Variants in EXOC4 observed in about 807,000 individuals in gnomAD.
The protein encoded by EXOC4 is exocyst complex component 4.
A neutral mutation model predicts 107.2 loss-of-function variants in EXOC4; 71 were observed. The observed-to-expected ratio is 0.66, with a 90% confidence interval of 0.55 to 0.81. The LOEUF (loss-of-function observed/expected upper bound fraction) is 0.81. Among genes scored for constraint, EXOC4 ranks in the 30% least tolerant of loss-of-function variants. EXOC4 has a pLI of 0.00. For synonymous variants in EXOC4, 456 were observed against 441.2 expected (o/e 1.03, Z -0.42); for missense variants, 1,108 against 1,189.6 (o/e 0.93, Z 1.01).
intron 10 of EXOC4, among the ~76,000 whole-genome samples, chr7:133,747,501 G>T (rs1306309075): frequency 6.6e-6 from 1 of 152,014 alleles, no homozygotes; most frequent in African/African-American, 2.4e-5. Flanking sequence ...TGGTTAGAAC[G>T]CCAAGAAGAC....
At chr7:134,029,229 C>G (rs1282485793) in intron 17 of EXOC4, among the ~76,000 whole-genome samples, 1 of 152,166 alleles carries the variant, frequency 6.6e-6, no homozygotes, top group African/African-American at 2.4e-5. Flanking sequence ...TGCGTCTTTC[C>G]CTATAACTTT....
chr7:133,541,124 G>A (rs923569166), intron 9 of EXOC4, among the ~76,000 whole-genome samples: 1 of 152,082 alleles, frequency 6.6e-6, no homozygotes, highest in Non-Finnish European at 1.5e-5. Context: ...GTTTAATTAA[G>A]CTAATTATAG....
At chr7:133,696,630 T>G (rs1794539703) in intron 10 of EXOC4, among the ~76,000 whole-genome samples, 1 of 152,214 alleles carries the variant, frequency 6.6e-6, no homozygotes, top group Non-Finnish European at 1.5e-5. Context: ...TCTGGTCTCT[T>G]TTTCTGTATA....
chr7:133,261,579 A>G (rs1469270777), intron 1 of EXOC4, among the ~76,000 whole-genome samples: 2 of 152,022 alleles, frequency 1.3e-5, no homozygotes, highest in East Asian at 3.9e-4. Flanking sequence ...TGTCAGTTTT[A>G]TCTTGATGGT....
At chr7:133,967,389 T>C (rs890277934) in intron 14 of EXOC4, among the ~76,000 whole-genome samples, 1 of 152,182 alleles carries the variant, frequency 6.6e-6, no homozygotes, top group Admixed American at 6.5e-5. Context: ...TTGCTTACTC[T>C]TGCTTCTCTA....
intron 3 of EXOC4, among the ~76,000 whole-genome samples, chr7:133,299,942 C>T (rs903043304): frequency 1.3e-5 from 2 of 152,104 alleles, no homozygotes; most frequent in Admixed American, 6.6e-5. Flanking sequence ...GCTGTTAGCT[C>T]AACTAATAAC....
chr7:133,700,347 C>A (rs1794629414), intron 10 of EXOC4, among the ~76,000 whole-genome samples: 1 of 152,114 alleles, frequency 6.6e-6, no homozygotes, highest in South Asian at 2.1e-4. Flanking sequence ...GGAGGAGCTA[C>A]ACTAATCTAT....
chr7:133,676,113 GT>G (rs1800480218), intron 10 of EXOC4, among the ~76,000 whole-genome samples: 1 of 151,946 alleles, frequency 6.6e-6, no homozygotes, highest in African/African-American at 2.4e-5. Flanking sequence ...GAGAATTGCA[GT>G]CATTCATTCA....
intron 5 of EXOC4, among the ~76,000 whole-genome samples, chr7:133,328,776 T>G (rs79024087): frequency 6.6e-6 from 1 of 151,934 alleles, no homozygotes; most frequent in South Asian, 2.1e-4. Flanking sequence ...TATAGGGTTT[T>G]GCAGAGATCT....
Position 134,065,442 on chromosome 7 carries a change from G to C in EXOC4, c.*914G>C, listed in dbSNP as rs527271245. 6.6e-6 allele frequency: 1 copy of C among 152,316 alleles called. No homozygotes were observed. Among genetic ancestry groups the C allele is most frequent in the South Asian group, 2.1e-4 (1 of 4,820 alleles). 9.4% of individuals were successfully genotyped at this position (152,316 alleles called of 1,614,324 possible). A position where few individuals can be genotyped will look rare whatever the true frequency, so the allele number is the denominator to read the frequency against. ...ACAGAGTGACATTTCTCCTCTGTGC[G>C]GCCTCCAGCTGAGCCTGTCTCTGAA... is the stretch of plus-strand genomic sequence containing the variant. On this transcript the variant is annotated 3_prime_UTR_variant, in exon 18 of 18. Coordinates refer to ENST00000253861, the MANE Select transcript of EXOC4 (RefSeq NM_021807.4).
intron 7 of EXOC4, among the ~76,000 whole-genome samples, chr7:133,464,901 T>C (rs764128796): frequency 1.5e-4 from 22 of 148,122 alleles, no homozygotes; most frequent in African/African-American, 5.5e-4. Flanking sequence ...CTCACTGTAG[T>C]CTCGAACTCC....
intron 9 of EXOC4, among the ~76,000 whole-genome samples, chr7:133,516,758 ATTTT>A (rs780319592): frequency 2.0e-5 from 1 of 49,032 alleles, no homozygotes; most frequent in Non-Finnish European, 3.9e-5. Flanking sequence ...CTAGCTGCTC[ATTTT>A]TTTTTTTTTT....
chr7:133,755,241 A>AT (rs1795877367), intron 10 of EXOC4, among the ~76,000 whole-genome samples: 3 of 104,588 alleles, frequency 2.9e-5, no homozygotes, highest in Non-Finnish European at 5.6e-5. Flanking sequence ...TATAATATAT[A>AT]TAATATATAT....
intron 3 of EXOC4, among the ~76,000 whole-genome samples, chr7:133,294,494 T>C (rs2150553466): frequency 6.6e-6 from 1 of 152,276 alleles, no homozygotes; most frequent in East Asian, 1.9e-4. Context: ...CTTCCTGAGA[T>C]TGTAGAGATT....
chr7:133,664,957 C>T (rs1562898135), intron 10 of EXOC4, among the ~76,000 whole-genome samples: 2 of 152,122 alleles, frequency 1.3e-5, no homozygotes, highest in Admixed American at 1.3e-4. Flanking sequence ...TAAGTACATG[C>T]ATTTTGGCTG....
chr7:133,539,805 G>A (rs1321353901), intron 9 of EXOC4, among the ~76,000 whole-genome samples: 1 of 151,994 alleles, frequency 6.6e-6, no homozygotes, highest in East Asian at 1.9e-4. Flanking sequence ...TGGTCTTTGC[G>A]AAGGAGATCA....
At chr7:133,793,854 A>T (rs1291346367) in intron 10 of EXOC4, among the ~76,000 whole-genome samples, 1 of 3,950 alleles carries the variant, frequency 2.5e-4, no homozygotes, top group Non-Finnish European at 7.0e-3. Context: ...CACACAAAAA[A>T]TAAATAAAAA....
chr7:133,952,272 T>G (rs1325824356), intron 14 of EXOC4, among the ~76,000 whole-genome samples: 2 of 152,168 alleles, frequency 1.3e-5, no homozygotes, highest in Admixed American at 6.6e-5. Flanking sequence ...GACTCAGACC[T>G]TTTAACATCA....
chr7:133,955,729 C>A (rs903628129), intron 14 of EXOC4, among the ~76,000 whole-genome samples: 1 of 152,248 alleles, frequency 6.6e-6, no homozygotes, highest in South Asian at 2.1e-4. Context: ...CTGCACCATG[C>A]TGCCCTCAGC....
Sources: allele counts gnomAD v4.1 joint callset (sites outside exome capture counted in the v4.1 genomes callset), GRCh38; gene constraint gnomAD v4.1.1; transcripts MANE v1.5; gene names NCBI Gene and HGNC (gene_info 2026-07-23, HGNC 2026-07-21).